Variants in TEAD2 observed in about 807,000 individuals in gnomAD.
The protein encoded by TEAD2 is TEA domain transcription factor 2.
Under a neutral mutation model 61.4 loss-of-function variants are expected in TEAD2, and 51 were observed. That is an observed-to-expected ratio of 0.83 (90% CI 0.66 to 1.05). The LOEUF (loss-of-function observed/expected upper bound fraction) is 1.05. TEAD2 is among the 50% of genes least tolerant of loss of function. The pLI, the probability that TEAD2 is intolerant of heterozygous loss-of-function variation, is 0.00. For synonymous variants in TEAD2, 244 were observed against 243.2 expected (o/e 1.00, Z -0.03); for missense variants, 509 against 600.0 (o/e 0.85, Z 1.58).
intron 9 of TEAD2, among the ~76,000 whole-genome samples, chr19:49,347,752 A>C (rs1043095694): frequency 2.0e-5 from 3 of 152,184 alleles, no homozygotes; most frequent in African/African-American, 7.2e-5. Context: ...CCCAGGGCAA[A>C]GCTCACACCC....
At chr19:49,345,601 G>A (rs533959845) in intron 10 of TEAD2, among the ~76,000 whole-genome samples, 17 of 152,158 alleles carry the variant, frequency 1.1e-4, no homozygotes, top group South Asian at 2.1e-4. Context: ...CGAAACTCTC[G>A]CCTCAGCTTC....
intron 10 of TEAD2, among the ~76,000 whole-genome samples, chr19:49,346,423 A>G (rs897106330): frequency 2.0e-5 from 3 of 152,038 alleles, no homozygotes; most frequent in African/African-American, 7.2e-5. Flanking sequence ...TTGGGAGGCC[A>G]AGGTGGGCAG....
At chr19:49,346,672 C>T (rs1971663378) in intron 10 of TEAD2, among the ~76,000 whole-genome samples, 1 of 152,064 alleles carries the variant, frequency 6.6e-6, no homozygotes, top group African/African-American at 2.4e-5. Flanking sequence ...AATAAATAAA[C>T]AAATAAATGA....
intron 8 of TEAD2, among the ~76,000 whole-genome samples, chr19:49,350,276 C>T (rs1041632741): frequency 1.3e-5 from 2 of 152,114 alleles, no homozygotes; most frequent in Non-Finnish European, 2.9e-5. Flanking sequence ...CTGTCAGTTA[C>T]TGGAACCAAT....
Position 49,348,154 on chromosome 19 carries a change from C to A in TEAD2, c.747+549G>T, listed in dbSNP as rs188998993. Among the ~76,000 whole-genome samples, 33 of 147,892 alleles carry A rather than the reference C, an allele frequency of 2.2e-4. No individual in the cohort carries two copies. The South Asian group carries it at 2.4e-3, about 11-fold the overall frequency. ...TGGCAGAGCCACAAAATGGAAGGAG[C>A]CTGGATCCCCAAATCACTTGAGTCC... On this transcript the variant is annotated intron_variant, in intron 9 of 12. Transcript: ENST00000593945.
chr19:49,351,161 G>C (rs1269171853), intron 8 of TEAD2, 140 bp downstream of exon 8: 1 of 798,370 alleles, frequency 1.3e-6, no homozygotes, highest in Non-Finnish European at 2.0e-6. Context: ...CCTGGCGACA[G>C]AGGGAGACTC....
At chr19:49,344,974 A>G (rs1896023971) in intron 10 of TEAD2, among the ~76,000 whole-genome samples, 1 of 152,136 alleles carries the variant, frequency 6.6e-6, no homozygotes, top group South Asian at 2.1e-4. Context: ...TTTAGTTGCT[A>G]ACACTGTGCC....
Position 49,360,034 on chromosome 19 carries a change from G to A in TEAD2, c.42C>T (p.Ser14=), listed in dbSNP as rs754316877. Residue 14 remains serine, a synonymous_variant, in exon 2 of 13, where the codon AGC becomes AGT. Coordinates refer to ENST00000593945, the MANE Select transcript of TEAD2 (RefSeq NM_001256660.2). The stretch of plus-strand genomic sequence containing the variant: ...TGCCTTCCTCACTGCCCGTCCAGCC[G>A]CTGCCATCGTCCAGGGCGGCCCCAG... ...PRAGAALDDG[S]GWTGSEEGSE... is the part of the protein sequence containing the mutation. 21 of 1,608,112 alleles carry A rather than the reference G, an allele frequency of 1.3e-5. No homozygotes were observed. Among genetic ancestry groups the A allele is most frequent in the East Asian group, 4.5e-5 (2 of 44,888 alleles).
chr19:49,350,518 G>T lies in TEAD2; in HGVS notation c.604+783C>A, dbSNP rs144629428. 6.4e-3 allele frequency among the ~76,000 whole-genome samples: 975 copies of T among 151,458 alleles called. 9 individuals carry two copies. The highest frequency in any genetic ancestry group is 0.023 in the African/African-American group (931 of 41,314). On this transcript the variant is annotated intron_variant, in intron 8 of 12. Transcript: ENST00000593945. ...TTTTTGTATTTTTTAGTAGAGGTTG[G>T]GGGGGGTGGTTTCGCCATGTTGGCC...
intron 11 of TEAD2, among the ~76,000 whole-genome samples, 168 bp from the exon 12 acceptor site, chr19:49,342,758 G>A (rs945031760): frequency 4.0e-5 from 6 of 151,786 alleles, no homozygotes; most frequent in East Asian, 3.9e-4. Flanking sequence ...CTGAACCCTC[G>A]GAGATCCGAA....
intron 7 of TEAD2, among the ~76,000 whole-genome samples, chr19:49,354,329 C>A (rs962989508): frequency 3.3e-5 from 5 of 151,768 alleles, no homozygotes; most frequent in Non-Finnish European, 7.4e-5. Context: ...CATAGCAAGA[C>A]CCCCGTCTCT....
intron 10 of TEAD2, among the ~76,000 whole-genome samples, chr19:49,344,012 A>C (rs1173095891): frequency 1.3e-5 from 2 of 151,830 alleles, no homozygotes; most frequent in African/African-American, 4.8e-5. Flanking sequence ...CATCCAGCTA[A>C]TATTTTGTAT....
At chr19:49,350,479 C>T (rs1041085311) in intron 8 of TEAD2, among the ~76,000 whole-genome samples, 1 of 151,954 alleles carries the variant, frequency 6.6e-6, no homozygotes, top group Non-Finnish European at 1.5e-5. Flanking sequence ...GCTACTGCTA[C>T]CACGCCTGGC....
Position 49,360,058 on chromosome 19 carries a change from A to C in TEAD2, c.18T>G (p.Ala6=), listed in dbSNP as rs769156807. Reference sequence around the variant, plus strand: ...CGCTGCCATCGTCCAGGGCGGCCCCAGCCCGGGGTTCCCCCATCTGGGCCT... The same window carrying C: ...CGCTGCCATCGTCCAGGGCGGCCCCCGCCCGGGGTTCCCCCATCTGGGCCT... MGEPR[A]GAALDDGSGW... Residue 6 remains alanine, a synonymous_variant, in exon 2 of 13, where the codon GCT becomes GCG. Coordinates refer to ENST00000593945, the MANE Select transcript of TEAD2 (RefSeq NM_001256660.2). 1 of 1,606,100 alleles carries C rather than the reference A, an allele frequency of 6.2e-7. No homozygotes were observed. The highest frequency in any genetic ancestry group is 8.5e-7 in the Non-Finnish European group (1 of 1,179,690).
chr19:49,358,168 G>A (rs910120461), intron 3 of TEAD2, among the ~76,000 whole-genome samples: 4 of 152,024 alleles, frequency 2.6e-5, no homozygotes, highest in Admixed American at 2.0e-4. Flanking sequence ...CGGGAGGCGG[G>A]GCTTCCAGTG....
intron 10 of TEAD2, among the ~76,000 whole-genome samples, chr19:49,345,501 C>T (rs538454842): frequency 8.6e-5 from 13 of 152,002 alleles, no homozygotes; most frequent in Non-Finnish European, 1.8e-4. Flanking sequence ...CACAGGTGCG[C>T]ACCACCACAC....
In TEAD2 at chr19:49,348,704, G is replaced by T. The variant is rs770217488; in HGVS notation, c.746C>A (p.Ser249Tyr). The T allele has an allele frequency of 6.2e-7, 1 of 1,613,908 alleles. No homozygotes were observed. The highest frequency in any genetic ancestry group is 1.1e-5 in the South Asian group (1 of 91,070). The change falls in exon 9 of 13, where the codon TCT (serine) becomes TAT (tyrosine). Residue 249 changes from serine (S) to tyrosine (Y), a missense_variant and splice_region_variant. Coordinates refer to ENST00000593945, the MANE Select transcript of TEAD2 (RefSeq NM_001256660.2). ...CGACTGTACCAAAATTTCACTCACAGAATCAACTGCATCTGGCGGTTCCAC... is the reference window on the plus strand; with the variant it reads ...CGACTGTACCAAAATTTCACTCACATAATCAACTGCATCTGGCGGTTCCAC... ...AFVEPPDAVD[S>Y]YQRHLFVHIS...
chr19:49,341,927 T>C lies in TEAD2; in HGVS notation c.1243-490A>G, dbSNP rs1971299429. ...GTGCTGTGGGGCTGGGCGTGGTGGC[T>C]CACACCTGTAATCCCAGCACTTTGG... On this transcript the variant is annotated intron_variant, in intron 12 of 12. Coordinates refer to ENST00000593945, the MANE Select transcript of TEAD2 (RefSeq NM_001256660.2). This position sits in a 1 kb window ranked among gnomAD's most constrained non-coding sequence, Gnocchi z 4.2. 6.6e-6 allele frequency among the ~76,000 whole-genome samples: 1 copy of C among 152,014 alleles called. No homozygotes were observed. The highest frequency in any genetic ancestry group is 1.5e-5 in the Non-Finnish European group (1 of 67,980).
intron 4 of TEAD2, among the ~76,000 whole-genome samples, chr19:49,356,980 C>T (rs112484547): frequency 6.6e-6 from 1 of 151,530 alleles, no homozygotes; most frequent in South Asian, 2.1e-4. Flanking sequence ...GTCTCTGTCC[C>T]CCTCTGTCTA....
Sources: allele counts gnomAD v4.1 joint callset (sites outside exome capture counted in the v4.1 genomes callset), GRCh38; gene constraint gnomAD v4.1.1; non-coding constraint Gnocchi (gnomAD v3.1); transcripts MANE v1.5; gene names NCBI Gene and HGNC (gene_info 2026-07-23, HGNC 2026-07-21).